The following AFF3 variants were observed in gnomAD, a reference collection of about 807,000 sequenced individuals.
AFF3 encodes ALF transcription elongation factor 3, also known as AF4/FMR2 family member 3.
A neutral mutation model predicts 129.7 loss-of-function variants in AFF3; 32 were observed. The ratio of observed to expected loss-of-function variants is 0.25; its 90% CI spans 0.19 to 0.33. The LOEUF is 0.33. Among genes scored for constraint, AFF3 ranks in the 10% least tolerant of loss-of-function variants. AFF3 has a pLI of 1.00. For synonymous variants in AFF3, 644 were observed against 635.4 expected, an observed-to-expected ratio of 1.01 and a Z score of -0.20; for missense variants, 1,373 against 1,592.0, an observed-to-expected ratio of 0.86 and a Z score of 2.34.
chr2:99,865,673 T>G (rs1003844788), intron 7 of AFF3, among the ~76,000 whole-genome samples: 1 of 152,076 alleles, frequency 6.6e-6, no homozygotes, highest in African/African-American at 2.4e-5. Flanking sequence ...TGATGAAAAA[T>G]TAATTTGATT....
At chr2:99,931,645 A>T (rs1052748782) in intron 7 of AFF3, among the ~76,000 whole-genome samples, 2 of 152,248 alleles carry the variant, frequency 1.3e-5, no homozygotes, top group Non-Finnish European at 2.9e-5. Flanking sequence ...GCAGTGGCTC[A>T]CGCCTGTAAT....
Position 99,949,826 on chromosome 2 carries a change from G to A in AFF3, c.873+56806C>T, listed in dbSNP as rs115037687. 5.6e-3 allele frequency among the ~76,000 whole-genome samples: 849 copies of A among 152,282 alleles called. 8 individuals carry two copies. Among genetic ancestry groups the A allele is most frequent in the African/African-American group, 0.02 (820 of 41,546 alleles). On this transcript the variant is annotated intron_variant, in intron 7 of 24. Transcript: ENST00000672756. ...AGGCCACTGACCAGTAGCGGTCCGT[G>A]GCCCAGGGGTTGGGGACTCTTGCTC... is the stretch of plus-strand genomic sequence containing the variant.
intron 7 of AFF3, among the ~76,000 whole-genome samples, chr2:99,858,777 A>C (rs1690729558): frequency 6.6e-6 from 1 of 152,204 alleles, no homozygotes; most frequent in African/African-American, 2.4e-5. Context: ...GAGGGAGAGG[A>C]TCAGGAAAAA....
intron 7 of AFF3, among the ~76,000 whole-genome samples, chr2:99,939,425 C>G (rs766502090): frequency 1.4e-4 from 21 of 152,216 alleles, no homozygotes; most frequent in Admixed American, 5.9e-4. Flanking sequence ...ATAAACATAA[C>G]TAAGTTCTCT....
chr2:99,743,450 GT>G (rs1680885449), intron 10 of AFF3, among the ~76,000 whole-genome samples: 1 of 152,180 alleles, frequency 6.6e-6, no homozygotes, highest in Non-Finnish European at 1.5e-5. Context: ...GTCTTTGTGA[GT>G]GTGCTTTTAG....
chr2:99,950,096 A>G (rs1206612885), intron 7 of AFF3, among the ~76,000 whole-genome samples: 2 of 152,158 alleles, frequency 1.3e-5, no homozygotes, highest in Non-Finnish European at 2.9e-5. Context: ...TAGCTATTTG[A>G]TTTACAGGAG....
chr2:99,689,802 A>T (rs571706461), intron 11 of AFF3, among the ~76,000 whole-genome samples: 2 of 152,186 alleles, frequency 1.3e-5, no homozygotes, highest in Admixed American at 1.3e-4. Flanking sequence ...AAGAAAAATG[A>T]GCTCAAAATA....
intron 17 of AFF3, among the ~76,000 whole-genome samples, chr2:99,579,653 G>A (rs1677340488): frequency 6.6e-6 from 1 of 152,168 alleles, no homozygotes; most frequent in South Asian, 2.1e-4. Flanking sequence ...CTGGGAGGTG[G>A]AGGTTGCAGT....
Position 99,565,594 on chromosome 2 carries a change from A to G in AFF3, c.3012T>C (p.Tyr1004=), listed in dbSNP as rs1215174958. The G allele has an allele frequency of 3.1e-6, 5 of 1,614,112 alleles. No homozygotes were observed. The African/African-American group carries it at 6.7e-5, about 22-fold the overall frequency. ...MVEKFGKALN[Y]AEAALSFIEC... ...CGATAAACGACAATGCTGCTTCAGC[A>G]TAGTTCAAAGCCTTTCCAAACTTTT... Residue 1004 remains tyrosine (Y), a synonymous_variant, in exon 20 of 25, where the codon TAT becomes TAC. Transcript: ENST00000672756.
At chr2:99,951,051 T>A (rs1003229091) in intron 7 of AFF3, among the ~76,000 whole-genome samples, 1 of 152,228 alleles carries the variant, frequency 6.6e-6, no homozygotes, top group African/African-American at 2.4e-5. Context: ...TAAGCCTTTA[T>A]CTAGTCTAAA....
intron 20 of AFF3, among the ~76,000 whole-genome samples, chr2:99,562,476 G>T (rs1675561094): frequency 6.6e-6 from 1 of 152,168 alleles, no homozygotes; most frequent in Non-Finnish European, 1.5e-5. Context: ...AAATTCTACA[G>T]TTTCACAATT....
intron 7 of AFF3, among the ~76,000 whole-genome samples, chr2:99,897,828 T>G (rs1264290785): frequency 1.3e-5 from 2 of 152,168 alleles, no homozygotes; most frequent in African/African-American, 4.8e-5. Flanking sequence ...CAATAAACAC[T>G]GAATTGAAAT....
chr2:99,934,669 C>T lies in AFF3; in HGVS notation c.873+71963G>A, dbSNP rs546665260. On this transcript the variant is annotated intron_variant, in intron 7 of 24. Coordinates refer to ENST00000672756, the MANE Select transcript of AFF3 (RefSeq NM_001386135.1). The stretch of plus-strand genomic sequence containing the variant: ...ACCCAGTGGGGAAGAACCCTGCCCC[C>T]TCAGAAGCCACTGGGAAGGGGCACT... Among the ~76,000 whole-genome samples the T allele has an allele frequency of 3.9e-5, 6 of 152,326 alleles. No individual in the cohort carries two copies. The South Asian group carries it at 1.2e-3, about 32-fold the overall frequency.
At chr2:99,662,023 C>G (rs1686270532) in intron 12 of AFF3, among the ~76,000 whole-genome samples, 1 of 151,998 alleles carries the variant, frequency 6.6e-6, no homozygotes, top group African/African-American at 2.4e-5. Context: ...ACTTGTAGTC[C>G]CAACTACTCA....
chr2:99,868,017 C>CT (rs397779127), intron 7 of AFF3, among the ~76,000 whole-genome samples: 7,550 of 144,002 alleles, frequency 0.052, 263 homozygotes, highest in African/African-American at 0.096. Context: ...TCTTTCTTTC[C>CT]TTTTTTTTTT....
At chr2:100,000,242 T>C (rs1334138512) in intron 7 of AFF3, among the ~76,000 whole-genome samples, 1 of 152,224 alleles carries the variant, frequency 6.6e-6, no homozygotes, top group Non-Finnish European at 1.5e-5. Flanking sequence ...GTTGATTTAG[T>C]ATTTCATTTA....
intron 13 of AFF3, among the ~76,000 whole-genome samples, chr2:99,602,501 C>T (rs542907729): frequency 1.3e-5 from 2 of 152,302 alleles, no homozygotes; most frequent in African/African-American, 4.8e-5. Context: ...TAGCATACAT[C>T]CACCCAGAAA....
At chr2:99,972,557 T>C (rs1347197235) in intron 7 of AFF3, among the ~76,000 whole-genome samples, 3 of 152,258 alleles carry the variant, frequency 2.0e-5, no homozygotes, top group Admixed American at 6.5e-5. Flanking sequence ...CATTAGTTCA[T>C]TCATTTGACA....
chr2:99,659,497 T>C (rs1686040234), intron 12 of AFF3, among the ~76,000 whole-genome samples: 2 of 152,152 alleles, frequency 1.3e-5, no homozygotes, highest in Non-Finnish European at 2.9e-5. Flanking sequence ...AAGTGATTTA[T>C]CTTCTGGACA....
Sources: allele counts gnomAD v4.1 joint callset (sites outside exome capture counted in the v4.1 genomes callset), GRCh38; gene constraint gnomAD v4.1.1; transcripts MANE v1.5; gene names NCBI Gene and HGNC (gene_info 2026-07-23, HGNC 2026-07-21).